The following CDH12 variants were observed in gnomAD, a reference collection of about 807,000 sequenced individuals.
CDH12 encodes cadherin 12, also known as cadherin-12.
A neutral mutation model predicts 74.1 loss-of-function variants in CDH12; 41 were observed. The observed-to-expected ratio is 0.55, with a 90% confidence interval of 0.43 to 0.72. CDH12 has a LOEUF of 0.72. CDH12 is among the 30% of genes least tolerant of loss of function. The pLI, the probability that CDH12 is intolerant of heterozygous loss-of-function variation, is 0.00. For missense variants in CDH12, 945 were observed against 977.2 expected, an observed-to-expected ratio of 0.97 and a Z score of 0.44; for synonymous variants, 399 against 355.0, an observed-to-expected ratio of 1.12 and a Z score of -1.39.
intron 1 of CDH12, among the ~76,000 whole-genome samples, chr5:22,529,030 T>C (rs1737418644): frequency 6.6e-6 from 1 of 151,488 alleles, no homozygotes; most frequent in African/African-American, 2.4e-5. Flanking sequence ...TCTGTATGCA[T>C]ATATGCATAT....
chr5:21,931,793 C>T (rs754538194), intron 6 of CDH12, among the ~76,000 whole-genome samples: 10 of 152,150 alleles, frequency 6.6e-5, no homozygotes, highest in Non-Finnish European at 1.5e-4. Context: ...ATTTTGTGTA[C>T]TAAGACTGGC....
chr5:22,079,239 G>A (rs2150226225), intron 4 of CDH12, among the ~76,000 whole-genome samples: 1 of 152,252 alleles, frequency 6.6e-6, no homozygotes, highest in East Asian at 1.9e-4. Flanking sequence ...TTATTGCTGG[G>A]AAGCTATTTT....
In CDH12 at chr5:22,841,028, A is replaced by G. The variant is rs1033272546; in HGVS notation, c.-523+12030T>C. On this transcript the variant is annotated intron_variant, in intron 1 of 14. Coordinates refer to ENST00000382254, the MANE Select transcript of CDH12 (RefSeq NM_004061.5). ...ATGAGGCGGCACAGACTACACAGAC[A>G]CTTGGTACTTCCTCTAAGGTAAGTT... Among the ~76,000 whole-genome samples the G allele has an allele frequency of 6.6e-5, 10 of 152,268 alleles. No homozygotes were observed. The East Asian group carries it at 1.9e-3, about 29-fold the overall frequency.
intron 2 of CDH12, among the ~76,000 whole-genome samples, chr5:22,448,793 C>A (rs1744929483): frequency 6.6e-6 from 1 of 151,976 alleles, no homozygotes; most frequent in Non-Finnish European, 1.5e-5. Flanking sequence ...CTAGATACTT[C>A]TTCTGGTATT....
At chr5:22,800,192 A>T (rs1292756762) in intron 1 of CDH12, among the ~76,000 whole-genome samples, 1 of 152,130 alleles carries the variant, frequency 6.6e-6, no homozygotes, top group Non-Finnish European at 1.5e-5. Flanking sequence ...TTCAATTTTG[A>T]CTTGTATATT....
intron 6 of CDH12, among the ~76,000 whole-genome samples, chr5:21,870,237 G>A (rs541026201): frequency 7.0e-4 from 107 of 152,066 alleles, no homozygotes; most frequent in African/African-American, 2.4e-3. Flanking sequence ...TATCAACAGC[G>A]TGAAAATGGT....
chr5:22,259,531 G>A (rs1753439176), intron 3 of CDH12, among the ~76,000 whole-genome samples: 1 of 151,878 alleles, frequency 6.6e-6, no homozygotes. Flanking sequence ...CTACCACAAA[G>A]GACCACTGGA....
intron 5 of CDH12, among the ~76,000 whole-genome samples, chr5:22,040,381 GAA>G (rs1561048212): frequency 6.6e-6 from 1 of 152,112 alleles, no homozygotes; most frequent in African/African-American, 2.4e-5. Context: ...GATAAGGACA[GAA>G]AGCTTATTAT....
intron 10 of CDH12, among the ~76,000 whole-genome samples, chr5:21,794,878 G>A (rs1025029590): frequency 6.6e-6 from 1 of 151,050 alleles, no homozygotes; most frequent in African/African-American, 2.4e-5. Context: ...TTCTCATTTT[G>A]TATAACTCTA....
At chr5:22,445,995 T>C (rs913469126) in intron 2 of CDH12, among the ~76,000 whole-genome samples, 2 of 152,154 alleles carry the variant, frequency 1.3e-5, no homozygotes, top group African/African-American at 4.8e-5. Flanking sequence ...CTCCCTCAAA[T>C]GATCCATCTG....
intron 5 of CDH12, among the ~76,000 whole-genome samples, chr5:22,045,667 A>G (rs1342054955): frequency 6.6e-6 from 1 of 151,806 alleles, no homozygotes; most frequent in East Asian, 1.9e-4. Context: ...GGAGGGCATT[A>G]TGTTAGGTGA....
intron 1 of CDH12, among the ~76,000 whole-genome samples, chr5:22,841,470 CA>C (rs927126232): frequency 2.6e-5 from 4 of 151,118 alleles, no homozygotes; most frequent in Non-Finnish European, 4.4e-5. Flanking sequence ...GTAGATATGC[CA>C]AAAAAAAGTT....
intron 1 of CDH12, among the ~76,000 whole-genome samples, chr5:22,660,075 C>T (rs867355059): frequency 6.6e-6 from 1 of 151,870 alleles, no homozygotes; most frequent in Non-Finnish European, 1.5e-5. Flanking sequence ...TTCATGCTTT[C>T]AAGGAAAATA....
At chr5:22,296,248 A>G (rs1737618769) in intron 3 of CDH12, among the ~76,000 whole-genome samples, 1 of 152,072 alleles carries the variant, frequency 6.6e-6, no homozygotes, top group Non-Finnish European at 1.5e-5. Flanking sequence ...ATAACTTATA[A>G]GACTACAGGG....
At chr5:22,532,571 G>A (rs1298360140) in intron 1 of CDH12, among the ~76,000 whole-genome samples, 2 of 151,082 alleles carry the variant, frequency 1.3e-5, no homozygotes, top group African/African-American at 4.9e-5. Flanking sequence ...TTAAATTTCT[G>A]CTGAATTAAG....
At chr5:21,926,252 A>G (rs1754580030) in intron 6 of CDH12, among the ~76,000 whole-genome samples, 1 of 152,214 alleles carries the variant, frequency 6.6e-6, no homozygotes, top group Admixed American at 6.5e-5. Context: ...TGGGAATCAG[A>G]CTGTCCTAGT....
At chr5:21,830,786 C>T (rs1466949521) in intron 8 of CDH12, among the ~76,000 whole-genome samples, 1 of 152,016 alleles carries the variant, frequency 6.6e-6, no homozygotes, top group African/African-American at 2.4e-5. Flanking sequence ...GCCTCTATTC[C>T]CAGCACTTTG....
intron 4 of CDH12, among the ~76,000 whole-genome samples, chr5:22,159,223 G>A (rs755177520): frequency 2.6e-5 from 4 of 152,128 alleles, no homozygotes; most frequent in Non-Finnish European, 5.9e-5. Context: ...GACAGGACAA[G>A]AGAGGATCTG....
chr5:22,213,826 C>T (rs1012013205), intron 3 of CDH12: 4 of 152,040 alleles, frequency 2.6e-5, no homozygotes, highest in African/African-American at 9.7e-5. Context: ...GACGACTGTC[C>T]TCTCACAATG....
Sources: gnomAD v4.1 joint callset for allele counts (sites outside exome capture counted in the v4.1 genomes callset) on GRCh38, gnomAD v4.1.1 for gene constraint, MANE v1.5 for transcripts, NCBI Gene and HGNC (gene_info 2026-07-23, HGNC 2026-07-21) for gene names.